USP28: variants seen among roughly 807,000 people sequenced by gnomAD.
USP28 encodes the protein ubiquitin carboxyl-terminal hydrolase 28.
A neutral mutation model predicts 145.0 loss-of-function variants in USP28; 113 were observed. The ratio of observed to expected loss-of-function variants is 0.78; its 90% CI spans 0.67 to 0.91. The LOEUF (loss-of-function observed/expected upper bound fraction) is 0.91. Ranked by LOEUF, USP28 falls within the 40% of genes least tolerant of loss-of-function variation. The pLI, the probability that USP28 is intolerant of heterozygous loss-of-function variation, is 0.00. For synonymous variants in USP28, 447 were observed against 450.9 expected (o/e 0.99, Z 0.11); for missense variants, 1,201 against 1,289.6 (o/e 0.93, Z 1.05).
chr11:113,840,425 T>G (rs1015774066), intron 5 of USP28, among the ~76,000 whole-genome samples, 173 bp downstream of exon 5: 1 of 152,226 alleles, frequency 6.6e-6, no homozygotes, highest in African/African-American at 2.4e-5. Flanking sequence ...TTCTTTTTAG[T>G]ACTGCCCAAC....
At chr11:113,839,410 C>A (rs1944940785) in intron 5 of USP28, among the ~76,000 whole-genome samples, 1 of 152,012 alleles carries the variant, frequency 6.6e-6, no homozygotes, top group African/African-American at 2.4e-5. Context: ...CATGATGAAA[C>A]CTCATCTCTA....
At chr11:113,813,741 C>T in intron 15 of USP28, 144 bp downstream of exon 15, 1 of 699,166 alleles carries the variant, frequency 1.4e-6, no homozygotes, top group East Asian at 2.8e-5. Context: ...AATAAAGAAA[C>T]AGAACAACAT....
chr11:113,841,558 C>T, intron 4 of USP28, 105 bp downstream of exon 4: 1 of 685,800 alleles, frequency 1.5e-6, no homozygotes, highest in African/African-American at 1.8e-5. Context: ...AAAGAAATGT[C>T]ATTCAGGTGC....
chr11:113,874,489 G>T, intron 1 of USP28: 1 of 1,094,462 alleles, frequency 9.1e-7, no homozygotes. Flanking sequence ...CCAGACAAAA[G>T]AGTAAAAAGG....
chr11:113,798,028 A>G (rs1465700185), exon 25 of USP28: 2 of 148,866 alleles, frequency 1.3e-5, no homozygotes, highest in Non-Finnish European at 3.0e-5. Flanking sequence ...ATTTTTCTCT[A>G]CATATACATA....
At chr11:113,817,658 C>T (rs758722601) in exon 13 of USP28, 1 of 1,611,748 alleles carries the variant, frequency 6.2e-7, no homozygotes, top group Non-Finnish European at 8.5e-7. Flanking sequence ...TTTTCATTAC[C>T]TTTCCTTGGA....
intron 1 of USP28, among the ~76,000 whole-genome samples, chr11:113,874,135 C>G (rs1479303471): frequency 1.0e-5 from 1 of 100,196 alleles, no homozygotes; most frequent in Non-Finnish European, 1.9e-5. Flanking sequence ...AGTGAGACTC[C>G]GTCTGGAAAA....
chr11:113,838,566 G>A (rs1196143460), intron 5 of USP28, among the ~76,000 whole-genome samples: 1 of 152,140 alleles, frequency 6.6e-6, no homozygotes, highest in Non-Finnish European at 1.5e-5. Context: ...CTTATTTGCT[G>A]TTCCTTGTCT....
At chr11:113,810,427 G>C (rs970326251) in intron 16 of USP28, among the ~76,000 whole-genome samples, 3 of 152,194 alleles carry the variant, frequency 2.0e-5, no homozygotes, top group Non-Finnish European at 2.9e-5. Context: ...CCATTAATCA[G>C]CCTTTTCACT....
chr11:113,810,034 CAAAAAAAAAAA>C (rs368686301), intron 16 of USP28, among the ~76,000 whole-genome samples: 10 of 68,984 alleles, frequency 1.4e-4, no homozygotes, highest in South Asian at 6.1e-4. Context: ...GACTCCATCT[CAAAAAAAAAAA>C]AAAAAAAAAA....
exon 25 of USP28, chr11:113,798,428 G>A (rs976189495): frequency 1.3e-5 from 2 of 151,564 alleles, no homozygotes; most frequent in Non-Finnish European, 2.9e-5. Flanking sequence ...AAAAAAAAGA[G>A]CAAAAAAGAG....
chr11:113,840,484 C>T, intron 5 of USP28, 114 bp downstream of exon 5: 1 of 1,339,620 alleles, frequency 7.5e-7, no homozygotes, highest in Non-Finnish European at 1.0e-6. Context: ...CAGAAAAACT[C>T]CCCTAATTTT....
chr11:113,840,611 C>A, exon 5 of USP28: 2 of 1,613,956 alleles, frequency 1.2e-6, no homozygotes, highest in Non-Finnish European at 1.7e-6. Context: ...AATAACAGCA[C>A]TAAACCAACA....
Position 113,854,340 on chromosome 11 carries a change from A to T in USP28, c.58-5T>A. 2 of 1,611,804 alleles carry T rather than the reference A, an allele frequency of 1.2e-6. No individual in the cohort carries two copies. Among genetic ancestry groups the T allele is most frequent in the Non-Finnish European group, 1.7e-6 (2 of 1,179,790 alleles). ...ATTTAACAGCATTTGGCAGCTCTAT[A>T]TTTGCAAAACAAAAAAACCACAAAC... On this transcript the variant is annotated splice_region_variant and splice_polypyrimidine_tract_variant and intron_variant, in intron 1 of 24. Transcript: ENST00000003302.
At chr11:113,799,959 T>C (rs1020291880) in intron 24 of USP28, among the ~76,000 whole-genome samples, 9 of 152,244 alleles carry the variant, frequency 5.9e-5, no homozygotes, top group Admixed American at 2.0e-4. Flanking sequence ...TATTACAGGA[T>C]TTTTAAATAA....
exon 25 of USP28, chr11:113,798,131 A>C (rs1402648477): frequency 1.4e-5 from 2 of 146,782 alleles, no homozygotes; most frequent in Non-Finnish European, 3.0e-5. Context: ...GCAAAAAAGA[A>C]GGCCGGGTAC....
intron 14 of USP28, among the ~76,000 whole-genome samples, chr11:113,814,617 C>T (rs1442437267): frequency 6.6e-6 from 1 of 151,716 alleles, no homozygotes; most frequent in African/African-American, 2.4e-5. Context: ...TCAGTTGATG[C>T]AGAAAAATCT....
rs1949152200 is a variant in USP28, at chr11:113,874,406, CAG to C, written c.57+1037_57+1038del. 4 of 1,016,070 alleles carry C rather than the reference CAG, an allele frequency of 3.9e-6. No individual in the cohort carries two copies. In the Admixed American group the frequency reaches 1.5e-4, roughly 39 times the overall value. 62.9% of individuals were successfully genotyped at this position (1,016,070 alleles called of 1,614,324 possible). The stretch of plus-strand genomic sequence containing the variant: ...CGCCACAGCACTCCAGCCTAGGCAA[CAG>C]AGGGAGACTCTGTCGAAAAAAAAAA... On this transcript the variant is annotated intron_variant, in intron 1 of 24. Transcript: ENST00000003302.
chr11:113,816,385 CGCCTGTAG>C (rs1309944255), intron 13 of USP28, among the ~76,000 whole-genome samples: 1 of 152,018 alleles, frequency 6.6e-6, no homozygotes, highest in Non-Finnish European at 1.5e-5. Flanking sequence ...CATGGTGGCA[CGCCTGTAG>C]TCCCAGCTAC....
Sources: allele counts gnomAD v4.1 joint callset (sites outside exome capture counted in the v4.1 genomes callset), GRCh38; gene constraint gnomAD v4.1.1; transcripts MANE v1.5; gene names NCBI Gene and HGNC (gene_info 2026-07-23, HGNC 2026-07-21).